HMCN1: variants seen among roughly 807,000 people sequenced by gnomAD.
The protein encoded by HMCN1 is hemicentin-1.
HMCN1 carries 321 observed loss-of-function variants against 625.9 expected under a neutral mutation model. The observed-to-expected ratio is 0.51, with a 90% CI of 0.47 to 0.56. The LOEUF (loss-of-function observed/expected upper bound fraction) is 0.56, where lower values mean the gene tolerates loss of function less well. Ranked by LOEUF, HMCN1 falls within the 20% of genes least tolerant of loss-of-function variation. The pLI is 0.00. For missense variants in HMCN1, 6,588 were observed against 6,887.3 expected (o/e 0.96, Z 1.54); for synonymous variants, 2,425 against 2,417.6 (o/e 1.00, Z -0.09).
Position 186,095,347 on chromosome 1 carries a change from A to G in HMCN1, c.10399A>G (p.Met3467Val), listed in dbSNP as rs1660077185. 1.9e-6 allele frequency: 3 copies of G among 1,613,652 alleles called. No homozygotes were observed. Among genetic ancestry groups the G allele is most frequent in the African/African-American group, 2.7e-5 (2 of 74,904 alleles). ...CITDGTPAPSMAWLRDGQPLG... is the reference protein window; with the variant it reads ...CITDGTPAPSVAWLRDGQPLG... ...TACTGATGGAACCCCAGCTCCCAGT[A>G]TGGCCTGGCTTAGAGATGGCCAGCC... Residue 3467 changes from methionine to valine, a missense_variant, in exon 68 of 107, where the codon ATG (methionine) becomes GTG (valine). Physicochemically the swap from Met to Val is conservative, Grantham distance 21. Transcript: ENST00000271588.
chr1:186,095,338 G>A lies in HMCN1; in HGVS notation c.10390G>A (p.Ala3464Thr), dbSNP rs1182909759. ...GGCATGCATTACTGATGGAACCCCA[G>A]CTCCCAGTATGGCCTGGCTTAGAGA... ...SMACITDGTP[A>T]PSMAWLRDGQ... is the part of the protein sequence containing the mutation. Residue 3464 changes from alanine (A) to threonine (T), a missense_variant, in exon 68 of 107, where the codon GCT becomes ACT. Ala to Thr is a moderately conservative substitution (Grantham distance 58). Transcript: ENST00000271588. 1 of 1,613,730 alleles carries A rather than the reference G, an allele frequency of 6.2e-7. No homozygotes were observed. Among genetic ancestry groups the A allele is most frequent in the African/African-American group, 1.3e-5 (1 of 74,994 alleles).
intron 41 of HMCN1, among the ~76,000 whole-genome samples, chr1:186,046,336 A>G (rs1350496899): frequency 6.6e-6 from 1 of 152,040 alleles, no homozygotes; most frequent in Non-Finnish European, 1.5e-5. Context: ...TGACGTGGTG[A>G]CATGCACCGG....
intron 11 of HMCN1, among the ~76,000 whole-genome samples, chr1:185,945,938 T>C (rs1668318377): frequency 6.6e-6 from 1 of 152,176 alleles, no homozygotes; most frequent in Non-Finnish European, 1.5e-5. Context: ...ACAAGGTAAC[T>C]TGAAAAAACA....
intron 71 of HMCN1, among the ~76,000 whole-genome samples, chr1:186,110,977 C>CTTTTTCTTTTTCTTTTTTTTTTTTT (rs1660848196): frequency 3.2e-5 from 2 of 61,648 alleles, no homozygotes; most frequent in African/African-American, 9.8e-5. Flanking sequence ...AGAGAAAATT[C>CTTTTTCTTTTTCTTTTTTTTTTTTT]TTTTTTTTTT....
intron 27 of HMCN1, 79 bp from the exon 28 acceptor site, chr1:186,001,515 T>C (rs1222448576): frequency 1.9e-6 from 3 of 1,596,232 alleles, no homozygotes; most frequent in Non-Finnish European, 2.6e-6. Context: ...CTACTAATAA[T>C]ATAAACATTC....
chr1:185,993,247 A>G lies in HMCN1; in HGVS notation c.3443A>G (p.Tyr1148Cys), dbSNP rs749809530. Reference sequence around the variant, plus strand: ...ACCCGCACTTCAGATAGTGGGATGTATCTTTGTGTTGCCACAAATATTGCT... The same window carrying G: ...ACCCGCACTTCAGATAGTGGGATGTGTCTTTGTGTTGCCACAAATATTGCT... ...TETRTSDSGM[Y>C]LCVATNIAGN... The change falls in exon 23 of 107, where the codon TAT becomes TGT. Residue 1148 changes from tyrosine (Y) to cysteine (C), a missense_variant. This residue lies in a region of HMCN1 where 4,628 missense variants were observed against 4,853.1 expected (regional missense o/e 0.95). Coordinates refer to ENST00000271588, the MANE Select transcript of HMCN1 (RefSeq NM_031935.3). The G allele has an allele frequency of 1.9e-6, 3 of 1,613,102 alleles. No individual in the cohort carries two copies. The highest frequency in any genetic ancestry group is 2.2e-5 in the East Asian group (1 of 44,840).
intron 54 of HMCN1, 65 bp from the exon 55 acceptor site, chr1:186,078,042 A>G (rs1483028240): frequency 1.6e-6 from 2 of 1,213,808 alleles, no homozygotes; most frequent in Non-Finnish European, 1.2e-6. Context: ...GAAAATTTGT[A>G]TCTGTTTATG....
chr1:186,062,643 C>G (rs765910671), intron 48 of HMCN1, 43 bp downstream of exon 48: 1 of 1,281,688 alleles, frequency 7.8e-7, no homozygotes, highest in Non-Finnish European at 1.1e-6. Flanking sequence ...CCCCCACTCA[C>G]TGATAGTCAT....
chr1:185,788,606 A>ACGT (rs1317169696), intron 1 of HMCN1, among the ~76,000 whole-genome samples: 1 of 152,158 alleles, frequency 6.6e-6, no homozygotes, highest in Non-Finnish European at 1.5e-5. Flanking sequence ...TCCCTTAGAC[A>ACGT]CTGGCATTTT....
intron 6 of HMCN1, among the ~76,000 whole-genome samples, chr1:185,919,548 C>T (rs893623010): frequency 3.3e-5 from 5 of 152,184 alleles, no homozygotes; most frequent in Non-Finnish European, 5.9e-5. Context: ...CTTGCCTCCC[C>T]AGTACATTTC....
intron 43 of HMCN1, 87 bp from the exon 44 acceptor site, chr1:186,053,738 A>G: frequency 7.3e-7 from 1 of 1,365,226 alleles, no homozygotes; most frequent in Non-Finnish European, 1.0e-6. Context: ...ATATACTTGA[A>G]CTGAATAAAC....
At chr1:185,822,262 T>G (rs944909780) in intron 1 of HMCN1, among the ~76,000 whole-genome samples, 4 of 151,816 alleles carry the variant, frequency 2.6e-5, no homozygotes, top group African/African-American at 7.3e-5. Flanking sequence ...TGTACCACTC[T>G]GGTGGGGGAT....
chr1:186,078,021 T>C, intron 54 of HMCN1, 86 bp from the exon 55 acceptor site: 1 of 938,670 alleles, frequency 1.1e-6, no homozygotes, highest in Non-Finnish European at 1.7e-6. Context: ...TGTAAGGCAG[T>C]CATTAGACCT....
rs751511835 is a variant in HMCN1 at position 186,007,199 on chromosome 1, G to A, written c.4547G>A (p.Arg1516Gln). 74 of 1,613,096 alleles carry A rather than the reference G, an allele frequency of 4.6e-5. No individual in the cohort carries two copies. The East Asian group carries it at 6.9e-4, about 15-fold the overall frequency. ...CAAGTCTTACATTTAAAGAATGCAC[G>A]GAGAAATGACAAGGGGCGCTACCAA... ...RGQVLHLKNA[R>Q]RNDKGRYQCT... is the part of the protein sequence containing the mutation. Residue 1516 changes from arginine to glutamine, a missense_variant, in exon 30 of 107, where the codon CGG becomes CAG. By Grantham distance (43) the Arg-to-Gln change is conservative (BLOSUM62 1). Coordinates refer to ENST00000271588, the MANE Select transcript of HMCN1 (RefSeq NM_031935.3).
Position 185,945,217 on chromosome 1 carries a change from T to C in HMCN1, c.1828+11393T>C, listed in dbSNP as rs971677627. Among the ~76,000 whole-genome samples the C allele has an allele frequency of 3.3e-5, 5 of 152,312 alleles. No homozygotes were observed. The South Asian group carries it at 8.3e-4, about 25-fold the overall frequency. On this transcript the variant is annotated intron_variant, in intron 11 of 106. Coordinates refer to ENST00000271588, the MANE Select transcript of HMCN1 (RefSeq NM_031935.3). The stretch of plus-strand genomic sequence containing the variant: ...TTGGTTAATGAGAATGCAAAACTGG[T>C]AGATAAGGATTATGACAATGAGATC...
Position 186,182,269 on chromosome 1 carries a change from A to G in HMCN1, c.16396A>G (p.Asn5466Asp). Residue 5466 changes from asparagine to aspartate, a missense_variant, in exon 105 of 107, where the codon AAT becomes GAT. Physicochemically the swap from Asn to Asp is conservative, Grantham distance 23. Transcript: ENST00000271588. The part of the protein sequence containing the change: ...ICPPGYQLTH[N>D]GKTCQDIDEC... Reference sequence around the variant, plus strand: ...CCCACCTGGCTATCAACTCACACACAATGGAAAGACATGCCAAGGTGAGAA... The same window carrying G: ...CCCACCTGGCTATCAACTCACACACGATGGAAAGACATGCCAAGGTGAGAA... 1 of 1,613,506 alleles carries G rather than the reference A, an allele frequency of 6.2e-7. No individual in the cohort carries two copies. Among genetic ancestry groups the G allele is most frequent in the South Asian group, 1.1e-5 (1 of 91,078 alleles).
chr1:185,763,012 TA>T (rs1299674737), intron 1 of HMCN1, among the ~76,000 whole-genome samples: 3 of 152,092 alleles, frequency 2.0e-5, no homozygotes, highest in Non-Finnish European at 4.4e-5. Flanking sequence ...GGAACAGGGT[TA>T]GGGGCGTGAG....
chr1:186,128,405 A>G, intron 83 of HMCN1, 114 bp downstream of exon 83: 1 of 824,088 alleles, frequency 1.2e-6, no homozygotes, highest in Non-Finnish European at 2.0e-6. Context: ...ATTGCTTTAA[A>G]TGCTGTAAAA....
Position 185,814,692 on chromosome 1 carries a change from A to AT in HMCN1, c.269-31331dup, listed in dbSNP as rs1335746648. Among the ~76,000 whole-genome samples the AT allele has an allele frequency of 1.8e-4, 25 of 140,450 alleles. 1 individual carries two copies. The highest frequency in any genetic ancestry group is 7.8e-4 in the African/African-American group (25 of 31,974). 92.1% of individuals were successfully genotyped at this position (140,450 alleles called of 152,430 possible). ...ATATTTATTTTTTTTAATTATTATT[A>AT]TTTATTTTTTTTTTTTTGAGATGCA... is the stretch of plus-strand genomic sequence containing the variant. On this transcript the variant is annotated intron_variant, in intron 1 of 106. Transcript: ENST00000271588.
Sources: gnomAD v4.1 joint callset for allele counts (sites outside exome capture counted in the v4.1 genomes callset) on GRCh38, gnomAD v4.1.1 for gene constraint, gnomAD v4.1.1 regional missense constraint, MANE v1.5 for transcripts, NCBI Gene and HGNC (gene_info 2026-07-23, HGNC 2026-07-21) for gene names.